Variants in CELA1 observed in about 807,000 individuals in gnomAD.
CELA1 encodes the protein chymotrypsin like elastase 1, also known as chymotrypsin-like elastase family member 1.
CELA1 carries 28 observed loss-of-function variants against 34.8 expected under a neutral mutation model. That is an observed-to-expected ratio of 0.80 (90% CI 0.60 to 1.10). The LOEUF (loss-of-function observed/expected upper bound fraction) is 1.10, where lower values mean the gene tolerates loss of function less well. Ranked by LOEUF, CELA1 falls within the 50% of genes least tolerant of loss-of-function variation. CELA1 has a pLI of 0.00. For synonymous variants in CELA1, 140 were observed against 129.8 expected (o/e 1.08, Z -0.53); for missense variants, 288 against 327.5 (o/e 0.88, Z 0.93).
At chr12:51,342,434 TA>T in intron 4 of CELA1, 140 bp downstream of exon 4, 2 of 1,235,120 alleles carry the variant, frequency 1.6e-6, no homozygotes, top group Non-Finnish European at 2.3e-6. Flanking sequence ...GCTCCTTAAC[TA>T]AAGGCCAGGC....
intron 6 of CELA1, among the ~76,000 whole-genome samples, chr12:51,335,982 C>T (rs1008507373): frequency 2.0e-5 from 3 of 152,132 alleles, no homozygotes; most frequent in Admixed American, 6.6e-5. Context: ...TTCGGACAAG[C>T]TTCTGCCCTC....
rs530493028 is a variant in CELA1 at position 51,335,065 on chromosome 12, C to T, written c.609+4795G>A. 3.3e-5 allele frequency among the ~76,000 whole-genome samples: 5 copies of T among 152,256 alleles called. No homozygotes were observed. The South Asian group carries it at 8.3e-4, about 25-fold the overall frequency. On this transcript the variant is annotated intron_variant, in intron 6 of 7. Transcript: ENST00000293636. Reference sequence around the variant, plus strand: ...ATAATGTAGAACACCTGCCAACGTTCGGCTACCAAATCCAGCAAACTTTTC... The same window carrying T: ...ATAATGTAGAACACCTGCCAACGTTTGGCTACCAAATCCAGCAAACTTTTC...
At chr12:51,331,319 C>T (rs1184353388) in intron 6 of CELA1, among the ~76,000 whole-genome samples, 1 of 151,986 alleles carries the variant, frequency 6.6e-6, no homozygotes, top group African/African-American at 2.4e-5. Context: ...AACCCAGGAG[C>T]TGGAGGTTGT....
intron 2 of CELA1, among the ~76,000 whole-genome samples, chr12:51,344,687 C>T (rs747920547): frequency 1.3e-5 from 2 of 151,968 alleles, no homozygotes; most frequent in African/African-American, 4.8e-5. Flanking sequence ...GAGACTCCAT[C>T]GCCCCCTCTC....
chr12:51,338,387 C>T (rs1489119875), intron 6 of CELA1, among the ~76,000 whole-genome samples: 7 of 151,700 alleles, frequency 4.6e-5, no homozygotes, highest in African/African-American at 1.2e-4. Context: ...GAGCTAGATT[C>T]GGCTTGTGGA....
At position 51,341,378 on chromosome 12, in the gene CELA1, T is replaced by C. The variant is rs140780804; in HGVS notation, c.329A>G (p.Tyr110Cys). Residue 110 changes from tyrosine to cysteine, a missense_variant and splice_region_variant, in exon 5 of 8, where the codon TAT (tyrosine) becomes TGT (cysteine). Tyr to Cys is a radical substitution (Grantham distance 194). Transcript: ENST00000293636. ...GGCCAGGCGCAGCAGGGCGATGTCATAGCTGCAGGAGAAAAGGAGACTGCT... is the reference window on the plus strand; with the variant it reads ...GGCCAGGCGCAGCAGGGCGATGTCACAGCTGCAGGAGAAAAGGAGACTGCT... ...YWNSDNVAAG[Y>C]DIALLRLAQS... The C allele has an allele frequency of 1.9e-6, 3 of 1,614,124 alleles. No individual in the cohort carries two copies. The highest frequency in any genetic ancestry group is 1.7e-6 in the Non-Finnish European group (2 of 1,180,016).
intron 2 of CELA1, 28 bp from the exon 3 acceptor site, chr12:51,343,881 T>C (rs1278103277): frequency 2.4e-6 from 3 of 1,268,308 alleles, no homozygotes; most frequent in Middle Eastern, 2.5e-4. Context: ...AAAGAAGGGA[T>C]AGGTTGGTGT....
At chr12:51,339,264 A>G (rs1946518437) in intron 6 of CELA1, among the ~76,000 whole-genome samples, 1 of 146,482 alleles carries the variant, frequency 6.8e-6, no homozygotes, top group African/African-American at 2.5e-5. Context: ...CTAGGTAACA[A>G]ATTTGGCTGG....
chr12:51,332,500 G>T (rs1403788337), intron 6 of CELA1, among the ~76,000 whole-genome samples: 2 of 152,172 alleles, frequency 1.3e-5, no homozygotes, highest in East Asian at 1.9e-4. Context: ...TGGGGTGGGA[G>T]AACTAGAGTA....
chr12:51,329,546 G>T (rs17860365), intron 7 of CELA1, 138 bp downstream of exon 7: 85,545 of 888,644 alleles, frequency 0.096, 4,317 homozygotes, highest in African/African-American at 0.11. Flanking sequence ...ACCGTGGAAG[G>T]AAGGGAAGGG....
chr12:51,342,809 GA>G (rs1379266703), intron 3 of CELA1, 109 bp from the exon 4 acceptor site: 123 of 1,280,376 alleles, frequency 9.6e-5, no homozygotes, highest in Admixed American at 1.8e-4. Flanking sequence ...TATTATTTAG[GA>G]AATTTTTTTT....
intron 7 of CELA1, among the ~76,000 whole-genome samples, chr12:51,329,476 G>A (rs1946455531): frequency 6.6e-6 from 1 of 152,062 alleles, no homozygotes; most frequent in Non-Finnish European, 1.5e-5. Flanking sequence ...AGTGAAGTCT[G>A]CTCTGTGGGT....
intron 2 of CELA1, among the ~76,000 whole-genome samples, chr12:51,345,210 C>G (rs1332079956): frequency 2.6e-5 from 4 of 152,174 alleles, no homozygotes; most frequent in Non-Finnish European, 5.9e-5. Flanking sequence ...AATAGCTCTA[C>G]TCCTGAAAAC....
intron 2 of CELA1, among the ~76,000 whole-genome samples, chr12:51,344,648 G>A (rs553696535): frequency 2.0e-4 from 31 of 151,910 alleles, no homozygotes; most frequent in Admixed American, 1.1e-3. Context: ...CTGAGATAGC[G>A]TCACTGCACT....
At chr12:51,329,363 T>A (rs1430222479) in intron 7 of CELA1, among the ~76,000 whole-genome samples, 1 of 152,118 alleles carries the variant, frequency 6.6e-6, no homozygotes. Context: ...ACGCAGGCCT[T>A]TCTGAACCTG....
intron 1 of CELA1, 141 bp from the exon 2 acceptor site, chr12:51,346,018 G>T: frequency 1.6e-6 from 1 of 635,036 alleles, no homozygotes; most frequent in Non-Finnish European, 2.7e-6. Context: ...GAGGGGCCCA[G>T]CTGTGAGTTC....
chr12:51,342,601 G>A lies in CELA1; in HGVS notation c.300C>T (p.Tyr100=). ...CGGCAGCCACGTTATCGCTGTTCCA[G>A]TATGGATGCACCACGATCTTCTGCA... ...VSVQKIVVHP[Y]WNSDNVAAGY... Residue 100 remains tyrosine, a synonymous_variant, in exon 4 of 8, where the codon TAC becomes TAT. Coordinates refer to ENST00000293636, the MANE Select transcript of CELA1 (RefSeq NM_001971.6). 1 of 1,614,148 alleles carries A rather than the reference G, an allele frequency of 6.2e-7. No individual in the cohort carries two copies. Among genetic ancestry groups the A allele is most frequent in the South Asian group, 1.1e-5 (1 of 91,088 alleles).
At chr12:51,334,976 AC>A (rs1294240089) in intron 6 of CELA1, among the ~76,000 whole-genome samples, 1 of 151,804 alleles carries the variant, frequency 6.6e-6, no homozygotes, top group African/African-American at 2.4e-5. Context: ...GACCCATACA[AC>A]CCTTTCCCCT....
rs76499560 is a variant in CELA1 at position 51,345,948 on chromosome 12, C to T, written c.17-71G>A. ...AGCCAGGGGTAGGGGTGGGGGGTGGCGATTGTGCTTTGAGGAATGTTAGCC... is the reference window on the plus strand; with the variant it reads ...AGCCAGGGGTAGGGGTGGGGGGTGGTGATTGTGCTTTGAGGAATGTTAGCC... On this transcript the variant is annotated intron_variant, in intron 1 of 7. Coordinates refer to ENST00000293636, the MANE Select transcript of CELA1 (RefSeq NM_001971.6). 2.1e-3 allele frequency: 2,239 copies of T among 1,064,280 alleles called. 41 individuals carry two copies. In the African/African-American group the frequency reaches 0.031, roughly 15 times the overall value. The allele number at this position is 1,064,280 out of a possible 1,614,324, so 65.9% of individuals were successfully genotyped here.
Sources: gnomAD v4.1 joint callset for allele counts (sites outside exome capture counted in the v4.1 genomes callset) on GRCh38, gnomAD v4.1.1 for gene constraint, MANE v1.5 for transcripts, NCBI Gene and HGNC (gene_info 2026-07-23, HGNC 2026-07-21) for gene names.